The following MCC variants were observed in gnomAD, a reference collection of about 807,000 sequenced individuals.
MCC encodes the protein MCC regulator of Wnt signaling pathway.
MCC carries 90 observed loss-of-function variants against 116.2 expected under a neutral mutation model. The ratio of observed to expected loss-of-function variants is 0.77; its 90% CI spans 0.65 to 0.92. The LOEUF is 0.92. Among genes scored for constraint, MCC ranks in the 40% least tolerant of loss-of-function variants. MCC has a pLI of 0.00. For missense variants in MCC, 1,516 were observed against 1,312.2 expected, an observed-to-expected ratio of 1.16 and a Z score of -2.40; for synonymous variants, 578 against 510.5, an observed-to-expected ratio of 1.13 and a Z score of -1.78.
intron 1 of MCC, among the ~76,000 whole-genome samples, chr5:113,447,298 A>G (rs1771251843): frequency 6.6e-6 from 1 of 152,234 alleles, no homozygotes; most frequent in Non-Finnish European, 1.5e-5. Context: ...GGGTGGTCTC[A>G]CATTTAGTTG....
intron 3 of MCC, among the ~76,000 whole-genome samples, chr5:113,267,099 C>G (rs915759209): frequency 6.6e-6 from 1 of 152,156 alleles, no homozygotes; most frequent in Non-Finnish European, 1.5e-5. Context: ...TTCAGCAGAA[C>G]AGGTTTCACA....
chr5:113,228,472 A>C (rs1308005458), intron 3 of MCC, among the ~76,000 whole-genome samples: 1 of 152,172 alleles, frequency 6.6e-6, no homozygotes, highest in Admixed American at 6.5e-5. Context: ...ATAGGAAGTG[A>C]GCAACAAGCC....
chr5:113,377,967 G>A (rs1471455489), intron 2 of MCC, among the ~76,000 whole-genome samples: 2 of 152,106 alleles, frequency 1.3e-5, no homozygotes, highest in African/African-American at 4.8e-5. Flanking sequence ...GAAGGCTATC[G>A]TGTGTGACTT....
intron 4 of MCC, among the ~76,000 whole-genome samples, chr5:113,150,051 A>T (rs1421716006): frequency 1.3e-5 from 2 of 152,198 alleles, no homozygotes; most frequent in Non-Finnish European, 2.9e-5. Context: ...AGTCCCTGTG[A>T]ACTTTGGAGA....
chr5:113,077,203 T>G (rs1581003028), intron 11 of MCC, among the ~76,000 whole-genome samples: 1 of 152,082 alleles, frequency 6.6e-6, no homozygotes, highest in African/African-American at 2.4e-5. Context: ...CACACAATAA[T>G]AATGGAGACT....
chr5:113,340,317 C>T (rs1287206201), intron 3 of MCC, among the ~76,000 whole-genome samples: 2 of 152,138 alleles, frequency 1.3e-5, no homozygotes, highest in Non-Finnish European at 2.9e-5. Context: ...TAGGAGTCTA[C>T]TCTGGTCTCC....
At chr5:113,266,651 G>T (rs1765428203) in intron 3 of MCC, among the ~76,000 whole-genome samples, 1 of 152,130 alleles carries the variant, frequency 6.6e-6, no homozygotes, top group African/African-American at 2.4e-5. Context: ...GAGTAACTGG[G>T]ATTATAGGCG....
intron 4 of MCC, among the ~76,000 whole-genome samples, chr5:113,146,989 A>C (rs1759563440): frequency 6.6e-6 from 1 of 152,182 alleles, no homozygotes; most frequent in Admixed American, 6.5e-5. Context: ...TTTGTCTCAC[A>C]ACTACAGACT....
chr5:113,276,373 A>T (rs1359171480), intron 3 of MCC, among the ~76,000 whole-genome samples: 2 of 152,216 alleles, frequency 1.3e-5, no homozygotes, highest in Non-Finnish European at 2.9e-5. Context: ...ACCCTGGGGC[A>T]TCAAGGTACC....
At chr5:113,253,060 G>T (rs1368203972) in intron 3 of MCC, among the ~76,000 whole-genome samples, 1 of 152,096 alleles carries the variant, frequency 6.6e-6, no homozygotes, top group Non-Finnish European at 1.5e-5. Flanking sequence ...ATACCCCAGG[G>T]CTTCTAGATT....
At chr5:113,368,062 C>T (rs1768746408) in intron 2 of MCC, among the ~76,000 whole-genome samples, 1 of 152,036 alleles carries the variant, frequency 6.6e-6, no homozygotes, top group African/African-American at 2.4e-5. Context: ...AGTCTCATTT[C>T]CAAATACAGA....
intron 1 of MCC, among the ~76,000 whole-genome samples, chr5:113,478,884 G>C (rs1355874354): frequency 6.6e-6 from 1 of 152,092 alleles, no homozygotes; most frequent in Admixed American, 6.6e-5. Context: ...CTGTGTTTCT[G>C]CATTATCTAT....
chr5:113,397,666 A>G (rs1212321162), intron 1 of MCC, among the ~76,000 whole-genome samples: 1 of 152,170 alleles, frequency 6.6e-6, no homozygotes, highest in Non-Finnish European at 1.5e-5. Context: ...CCCCTTACTT[A>G]TCACCATATA....
intron 3 of MCC, among the ~76,000 whole-genome samples, chr5:113,220,121 A>G (rs13181094): frequency 0.02 from 835 of 42,382 alleles, 133 homozygotes; most frequent in South Asian, 0.14. Flanking sequence ...GCAGTGGCGC[A>G]ATCTCGGCTC....
At chr5:113,361,230 C>G (rs530385908) in intron 2 of MCC, among the ~76,000 whole-genome samples, 1 of 146,502 alleles carries the variant, frequency 6.8e-6, no homozygotes, top group East Asian at 1.9e-4. Context: ...AACATTCTTG[C>G]CAGGAAGTTA....
At chr5:113,273,467 G>A (rs916193226) in intron 3 of MCC, among the ~76,000 whole-genome samples, 2 of 152,106 alleles carry the variant, frequency 1.3e-5, no homozygotes, top group African/African-American at 4.8e-5. Context: ...TTGGGTCTTT[G>A]ACTTTTTTGG....
intron 17 of MCC, among the ~76,000 whole-genome samples, chr5:113,039,314 G>A (rs1040114453): frequency 9.9e-5 from 15 of 152,188 alleles, no homozygotes; most frequent in Admixed American, 9.2e-4. Flanking sequence ...CTCCCCAGTA[G>A]CTGGAACTCC....
chr5:113,224,504 C>G (rs1763663882), intron 3 of MCC, among the ~76,000 whole-genome samples: 1 of 152,216 alleles, frequency 6.6e-6, no homozygotes, highest in African/African-American at 2.4e-5. Context: ...ACAGGAACTG[C>G]CCTCGTCCTT....
At chr5:113,342,455 C>A (rs1406451962) in intron 2 of MCC, among the ~76,000 whole-genome samples, 1 of 152,176 alleles carries the variant, frequency 6.6e-6, no homozygotes, top group Non-Finnish European at 1.5e-5. Context: ...TTGATTAGAG[C>A]AGCTAGTATT....
Sources: allele counts gnomAD v4.1 joint callset (sites outside exome capture counted in the v4.1 genomes callset), GRCh38; gene constraint gnomAD v4.1.1; transcripts MANE v1.5; gene names NCBI Gene and HGNC (gene_info 2026-07-23, HGNC 2026-07-21).